XKR7: variants seen among roughly 807,000 people sequenced by gnomAD.
XKR7 encodes the protein XK related 7.
A neutral mutation model predicts 42.2 loss-of-function variants in XKR7; 11 were observed. The observed-to-expected ratio is 0.26, with a 90% CI of 0.16 to 0.43. The LOEUF is 0.43. XKR7 is among the 20% of genes least tolerant of loss of function. The pLI, the probability that XKR7 is intolerant of heterozygous loss-of-function variation, is 1.00. For synonymous variants in XKR7, 346 were observed against 366.4 expected, an observed-to-expected ratio of 0.94 and a Z score of 0.64; for missense variants, 710 against 802.2, an observed-to-expected ratio of 0.89 and a Z score of 1.39.
rs2064624314 is a variant in XKR7, at chr20:32,001,382, T to C, written c.*3925T>C. On this transcript the variant is annotated 3_prime_UTR_variant, in exon 3 of 3. Coordinates refer to ENST00000562532, the MANE Select transcript of XKR7 (RefSeq NM_001011718.2). ...TTTGGGAAACTGCTGGCCACTCATATTTGGCCCACGTGCCACCAGTTTGAG... is the reference window on the plus strand; with the variant it reads ...TTTGGGAAACTGCTGGCCACTCATACTTGGCCCACGTGCCACCAGTTTGAG... 2 of 152,202 alleles carry C rather than the reference T, an allele frequency of 1.3e-5. No individual in the cohort carries two copies. Among genetic ancestry groups the C allele is most frequent in the Admixed American group, 1.3e-4 (2 of 15,270 alleles). The allele number at this position is 152,202 out of a possible 1,614,324, so 9.4% of individuals were successfully genotyped here.
At chr20:31,985,147 C>G (rs985507849) in intron 1 of XKR7, among the ~76,000 whole-genome samples, 1 of 152,180 alleles carries the variant, frequency 6.6e-6, no homozygotes, top group Non-Finnish European at 1.5e-5. Context: ...ATGTCCTACC[C>G]CTGCCCATCA....
intron 1 of XKR7, among the ~76,000 whole-genome samples, chr20:31,980,030 C>T (rs191107606): frequency 4.8e-4 from 73 of 150,526 alleles, no homozygotes; most frequent in African/African-American, 1.3e-3. Flanking sequence ...AAAAGAGGGA[C>T]GCTGGCTGGG....
intron 2 of XKR7, 108 bp from the exon 3 acceptor site, chr20:31,996,397 C>T (rs896835476): frequency 2.5e-5 from 19 of 765,482 alleles, no homozygotes; most frequent in Non-Finnish European, 3.4e-5. Flanking sequence ...CCTTTCCTCA[C>T]GCCTCTTCAA....
Position 31,997,573 on chromosome 20 carries a change from G to A in XKR7, c.*116G>A. Reference sequence around the variant, plus strand: ...GGGGGAGTGGATCTGTTGGTCCAAGGGTAGAGTGGCCCCACTCTTGGGTTC... The same window carrying A: ...GGGGGAGTGGATCTGTTGGTCCAAGAGTAGAGTGGCCCCACTCTTGGGTTC... On this transcript the variant is annotated 3_prime_UTR_variant, in exon 3 of 3. Transcript: ENST00000562532. 9 of 1,016,306 alleles carry A rather than the reference G, an allele frequency of 8.9e-6. No individual in the cohort carries two copies. Among genetic ancestry groups the A allele is most frequent in the Admixed American group, 2.8e-5 (1 of 35,754 alleles). 63.0% of individuals were successfully genotyped at this position (1,016,306 alleles called of 1,614,324 possible).
At chr20:31,988,200 GA>G in intron 1 of XKR7, among the ~76,000 whole-genome samples, 1 of 152,302 alleles carries the variant, frequency 6.6e-6, no homozygotes, top group African/African-American at 2.4e-5. Flanking sequence ...GAGATGGGGT[GA>G]TGCAGACGTT....
intron 1 of XKR7, among the ~76,000 whole-genome samples, chr20:31,993,348 C>G (rs1378299629): frequency 2.0e-5 from 3 of 152,030 alleles, no homozygotes; most frequent in East Asian, 3.9e-4. Context: ...GGAGAGTTCC[C>G]CTCTCACCCT....
rs2064625441 is a variant in XKR7, at chr20:32,001,617, A to G, written c.*4160A>G. On this transcript the variant is annotated 3_prime_UTR_variant, in exon 3 of 3. Transcript: ENST00000562532. Reference sequence around the variant, plus strand: ...GGTCCACAGGGTCCCTGGTTTGGGAATCATCTGATAAGGGCTACAGGCCCC... The same window carrying G: ...GGTCCACAGGGTCCCTGGTTTGGGAGTCATCTGATAAGGGCTACAGGCCCC... 6.6e-6 allele frequency: 1 copy of G among 152,186 alleles called. No homozygotes were observed. The highest frequency in any genetic ancestry group is 2.1e-4 in the South Asian group (1 of 4,832). The allele number at this position is 152,186 out of a possible 1,614,324, so 9.4% of individuals were successfully genotyped here.
intron 1 of XKR7, among the ~76,000 whole-genome samples, chr20:31,986,770 C>A (rs2064543148): frequency 7.6e-6 from 1 of 130,918 alleles, no homozygotes; most frequent in Non-Finnish European, 1.7e-5. Flanking sequence ...CCAAGCAGAC[C>A]CAGCATCCAA....
chr20:31,973,995 C>T (rs1269556496), intron 1 of XKR7, among the ~76,000 whole-genome samples: 1 of 152,076 alleles, frequency 6.6e-6, no homozygotes, highest in Non-Finnish European at 1.5e-5. Flanking sequence ...GAGATCGAGA[C>T]CATCCTGGCC....
At chr20:31,994,612 G>A (rs981221930) in intron 1 of XKR7, among the ~76,000 whole-genome samples, 1 of 152,234 alleles carries the variant, frequency 6.6e-6, no homozygotes, top group Non-Finnish European at 1.5e-5. Flanking sequence ...AGGCTGAGTC[G>A]GGAAGATTCC....
chr20:31,996,781 GGGA>G lies in XKR7; in HGVS notation c.1069_1071del (p.Glu357del), dbSNP rs755064495. The G allele has an allele frequency of 3.1e-6, 5 of 1,613,920 alleles. No individual in the cohort carries two copies. The African/African-American group carries it at 6.7e-5, about 22-fold the overall frequency. On this transcript the variant is annotated inframe_deletion, in exon 3 of 3. Transcript: ENST00000562532. ...GAGACGGACTTCTGCATGTCCAAGT[GGGA>G]GGAGATCATCTACAACATGGTCGTG...
chr20:31,989,284 C>CCCCG (rs1555861232), intron 1 of XKR7, among the ~76,000 whole-genome samples: 2 of 150,796 alleles, frequency 1.3e-5, no homozygotes, highest in African/African-American at 2.4e-5. Context: ...CACCCCCCCC[C>CCCCG]CAGCGCATCT....
chr20:31,971,225 G>A (rs868305155), intron 1 of XKR7, among the ~76,000 whole-genome samples: 2 of 152,236 alleles, frequency 1.3e-5, no homozygotes, highest in East Asian at 1.9e-4. Flanking sequence ...GGATTCGGGG[G>A]TGGTCTGGTC....
chr20:31,994,687 C>CATT (rs1335545106), intron 1 of XKR7, among the ~76,000 whole-genome samples: 1 of 152,122 alleles, frequency 6.6e-6, no homozygotes, highest in Non-Finnish European at 1.5e-5. Flanking sequence ...GCCTGGGTGA[C>CATT]AGAATGAGAC....
intron 2 of XKR7, 52 bp from the exon 3 acceptor site, chr20:31,996,453 A>ACC: frequency 1.6e-6 from 1 of 640,684 alleles, no homozygotes; most frequent in Non-Finnish European, 2.3e-6. Context: ...CCAGACCCCA[A>ACC]CCCGAGCCCG....
chr20:31,981,297 A>G (rs2064511567), intron 1 of XKR7, among the ~76,000 whole-genome samples: 1 of 150,898 alleles, frequency 6.6e-6, no homozygotes, highest in Non-Finnish European at 1.5e-5. Context: ...AATCACTTGA[A>G]CCCAGAGGGC....
intron 1 of XKR7, among the ~76,000 whole-genome samples, chr20:31,971,834 G>C (rs1328111126): frequency 7.2e-5 from 11 of 152,178 alleles, no homozygotes; most frequent in Admixed American, 7.2e-4. Context: ...TGTCAGACAA[G>C]AGGACATTCA....
chr20:31,990,564 T>C (rs756269598), intron 1 of XKR7, among the ~76,000 whole-genome samples: 2 of 152,198 alleles, frequency 1.3e-5, no homozygotes, highest in African/African-American at 2.4e-5. Context: ...TTAGGTTGCA[T>C]GTCCTGGGCA....
At position 31,996,824 on chromosome 20, in the gene XKR7, C is replaced by T; in HGVS notation, c.1107C>T (p.Ile369=). ...ACATGGTCGTGGGCATCATCTACATCTTCTGCTGGTTCAACGTCAAGGAGG... is the reference window on the plus strand; with the variant it reads ...ACATGGTCGTGGGCATCATCTACATTTTCTGCTGGTTCAACGTCAAGGAGG... ...IYNMVVGIIY[I]FCWFNVKEGR... is the part of the protein sequence containing the mutation. Residue 369 remains isoleucine, a synonymous_variant, in exon 3 of 3, where the codon ATC becomes ATT. Transcript: ENST00000562532. The T allele has an allele frequency of 2.5e-6, 4 of 1,613,896 alleles. No individual in the cohort carries two copies. The highest frequency in any genetic ancestry group is 3.4e-6 in the Non-Finnish European group (4 of 1,179,986).
Sources: allele counts gnomAD v4.1 joint callset (sites outside exome capture counted in the v4.1 genomes callset), GRCh38; gene constraint gnomAD v4.1.1; transcripts MANE v1.5; gene names NCBI Gene and HGNC (gene_info 2026-07-23, HGNC 2026-07-21).